HDHD2: variants seen among roughly 807,000 people sequenced by gnomAD.
The protein encoded by HDHD2 is haloacid dehalogenase-like hydrolase domain-containing protein 2.
In HDHD2, 26 loss-of-function variants were observed where a neutral mutation model predicts 24.8. That is an observed-to-expected ratio of 1.05 (90% CI 0.77 to 1.45). The LOEUF is 1.45. Ranked by LOEUF, HDHD2 falls within the 40% of genes most tolerant of loss-of-function variation. The probability of loss-of-function intolerance (pLI) is 0.00; values close to 1 mark genes in which losing one functional copy is unlikely to be tolerated. For synonymous variants in HDHD2, 128 were observed against 114.9 expected (o/e 1.11, Z -0.73); for missense variants, 299 against 313.4 (o/e 0.95, Z 0.35).
At chr18:47,150,046 A>G (rs2063914319) in intron 1 of HDHD2, 1 of 152,358 alleles carries the variant, frequency 6.6e-6, no homozygotes, top group African/African-American at 2.4e-5. Context: ...CAGGGCCTTA[A>G]AAACGCCAAA....
At chr18:47,123,280 T>C (rs762938839) in intron 4 of HDHD2, among the ~76,000 whole-genome samples, 5 of 152,106 alleles carry the variant, frequency 3.3e-5, no homozygotes, top group Non-Finnish European at 7.4e-5. Context: ...AATAAGCAAA[T>C]AAATATGAAA....
intron 1 of HDHD2, among the ~76,000 whole-genome samples, chr18:47,138,603 TTTC>T (rs1181500184): frequency 6.6e-6 from 1 of 152,222 alleles, no homozygotes; most frequent in Non-Finnish European, 1.5e-5. Context: ...TAATAGGAGA[TTTC>T]TTATCAAAGT....
At chr18:47,142,278 T>TA (rs11431487) in intron 1 of HDHD2, among the ~76,000 whole-genome samples, 69,431 of 148,814 alleles carry the variant, frequency 0.47, 15,992 homozygotes, top group Middle Eastern at 0.55. Context: ...TTTCATTTCA[T>TA]AAAAAAAAAA....
chr18:47,110,360 G>A, intron 6 of HDHD2: 1 of 985,354 alleles, frequency 1.0e-6, no homozygotes. Flanking sequence ...CCATAGCATG[G>A]TCCCCGCAGC....
intron 1 of HDHD2, among the ~76,000 whole-genome samples, chr18:47,139,247 A>T (rs2684822): frequency 0.056 from 8,531 of 151,314 alleles, 330 homozygotes; most frequent in Middle Eastern, 0.13. Flanking sequence ...TCACGAGGTC[A>T]GGAGATCGAG....
chr18:47,143,645 T>G lies in HDHD2; in HGVS notation c.-11+6733A>C, dbSNP rs561916181. 1.9e-4 allele frequency among the ~76,000 whole-genome samples: 29 copies of G among 152,354 alleles called. No homozygotes were observed. In the Middle Eastern group the frequency reaches 0.01, roughly 54 times the overall value. ...TTCTCTTTAGGAATTACCATCAATG[T>G]TAGCATATGAGCCATACATGAAAAT... On this transcript the variant is annotated intron_variant, in intron 1 of 6. Transcript: ENST00000300605.
At chr18:47,132,727 CTAAG>C (rs2063724790) in intron 3 of HDHD2, among the ~76,000 whole-genome samples, 1 of 152,216 alleles carries the variant, frequency 6.6e-6, no homozygotes, top group Non-Finnish European at 1.5e-5. Context: ...CCATTGCACT[CTAAG>C]TATCCTCTCT....
chr18:47,111,439 A>G (rs1021124229), intron 6 of HDHD2: 63 of 984,328 alleles, frequency 6.4e-5, no homozygotes, highest in Non-Finnish European at 7.4e-5. Context: ...AAAAATAGTT[A>G]TCTAAGGATT....
intron 4 of HDHD2, among the ~76,000 whole-genome samples, chr18:47,126,894 G>A (rs890205376): frequency 6.6e-6 from 1 of 152,226 alleles, no homozygotes; most frequent in African/African-American, 2.4e-5. Context: ...GCCAGGAGCA[G>A]TGGCTCACGC....
intron 5 of HDHD2, among the ~76,000 whole-genome samples, chr18:47,113,408 G>GA (rs1446641146): frequency 6.6e-6 from 1 of 152,200 alleles, no homozygotes; most frequent in African/African-American, 2.4e-5. Flanking sequence ...TACAGCTGCA[G>GA]ACAGGGAATG....
At chr18:47,141,109 T>C (rs1467777421) in intron 1 of HDHD2, among the ~76,000 whole-genome samples, 1 of 152,228 alleles carries the variant, frequency 6.6e-6, no homozygotes, top group Non-Finnish European at 1.5e-5. Flanking sequence ...ACTCTGCTGA[T>C]ATTTCAGCCA....
chr18:47,148,796 A>G (rs557782338), intron 1 of HDHD2, among the ~76,000 whole-genome samples: 1 of 152,350 alleles, frequency 6.6e-6, no homozygotes, highest in Admixed American at 6.5e-5. Flanking sequence ...TATTTAAACA[A>G]CTTCTTAATT....
rs556057568 is a variant in HDHD2 at position 47,127,670 on chromosome 18, C to T, written c.395+2574G>A. Among the ~76,000 whole-genome samples the T allele has an allele frequency of 1.0e-4, 15 of 147,644 alleles. No homozygotes were observed. The East Asian group carries it at 2.6e-3, about 25-fold the overall frequency. Reference sequence around the variant, plus strand: ...TTTTCGAGATGAGCCGAGATCACACCACTGCACTCCAGCCTGGATGACAGA... The same window carrying T: ...TTTTCGAGATGAGCCGAGATCACACTACTGCACTCCAGCCTGGATGACAGA... On this transcript the variant is annotated intron_variant, in intron 4 of 6. Coordinates refer to ENST00000300605, the MANE Select transcript of HDHD2 (RefSeq NM_032124.5).
At chr18:47,114,804 T>C (rs1310145284) in intron 5 of HDHD2, among the ~76,000 whole-genome samples, 3 of 152,082 alleles carry the variant, frequency 2.0e-5, no homozygotes, top group East Asian at 1.9e-4. Context: ...AAGCATTCAA[T>C]TGACTTGCAA....
At chr18:47,144,384 T>C (rs1303129683) in intron 1 of HDHD2, among the ~76,000 whole-genome samples, 5 of 152,262 alleles carry the variant, frequency 3.3e-5, no homozygotes, top group East Asian at 1.9e-4. Context: ...CTTGTCTCAG[T>C]TGACTACAAG....
chr18:47,115,033 T>C (rs1263182071), intron 5 of HDHD2, 99 bp downstream of exon 5: 2 of 800,984 alleles, frequency 2.5e-6, no homozygotes, highest in Admixed American at 2.1e-5. Flanking sequence ...GTCCACATTG[T>C]CAGTAACAGA....
In HDHD2 at chr18:47,134,538, G is replaced by T. The variant is rs1277045608; in HGVS notation, c.268C>A (p.Pro90Thr). 6.2e-7 allele frequency: 1 copy of T among 1,614,108 alleles called. No individual in the cohort carries two copies. The highest frequency in any genetic ancestry group is 1.7e-5 in the Admixed American group (1 of 60,022). The change falls in exon 3 of 7, where the codon CCC becomes ACC. Residue 90 changes from proline to threonine, a missense_variant. Physicochemically the swap from Pro to Thr is conservative, Grantham distance 38. Transcript: ENST00000300605. Reference sequence around the variant, plus strand: ...GCCCGATCATCAACTAGCAGCATGGGTCTGACTTGTTTCCGCTCTAGTAAA... The same window carrying T: ...GCCCGATCATCAACTAGCAGCATGGTTCTGACTTGTTTCCGCTCTAGTAAA... ...RSLLERKQVR[P>T]MLLVDDRALP...
intron 4 of HDHD2, among the ~76,000 whole-genome samples, chr18:47,123,007 T>C (rs2063621607): frequency 6.6e-6 from 1 of 152,172 alleles, no homozygotes; most frequent in African/African-American, 2.4e-5. Context: ...AGAAGTAAGA[T>C]AAGGCTATCT....
intron 1 of HDHD2, among the ~76,000 whole-genome samples, chr18:47,141,284 A>G (rs550129339): frequency 5.3e-5 from 8 of 152,346 alleles, no homozygotes; most frequent in East Asian, 1.9e-4. Flanking sequence ...CACAAATCCA[A>G]TGCAGTCCTG....
Sources: gnomAD v4.1 joint callset for allele counts (sites outside exome capture counted in the v4.1 genomes callset) on GRCh38, gnomAD v4.1.1 for gene constraint, MANE v1.5 for transcripts, NCBI Gene and HGNC (gene_info 2026-07-23, HGNC 2026-07-21) for gene names.